The following LONP2 variants were observed in gnomAD, a reference collection of about 807,000 sequenced individuals.
LONP2 encodes the protein lon peptidase 2, peroxisomal, also known as lon protease homolog 2, peroxisomal.
In LONP2, 60 loss-of-function variants were observed where a neutral mutation model predicts 85.6. The observed-to-expected ratio is 0.70, with a 90% confidence interval of 0.57 to 0.87. The LOEUF (loss-of-function observed/expected upper bound fraction) is 0.87, where lower values mean the gene tolerates loss of function less well. Ranked by LOEUF, LONP2 falls within the 40% of genes least tolerant of loss-of-function variation. The probability of loss-of-function intolerance (pLI) is 0.00; values close to 1 mark genes in which losing one functional copy is unlikely to be tolerated. For synonymous variants in LONP2, 395 were observed against 389.7 expected (o/e 1.01, Z -0.16); for missense variants, 860 against 1,063.5 (o/e 0.81, Z 2.66).
intron 8 of LONP2, among the ~76,000 whole-genome samples, chr16:48,279,796 AACTT>A (rs747282874): frequency 2.6e-4 from 39 of 152,164 alleles, no homozygotes; most frequent in Non-Finnish European, 4.1e-4. Flanking sequence ...AATTGAGGAA[AACTT>A]ACTTTGTGAA....
chr16:48,252,360 G>A lies in LONP2; in HGVS notation c.463G>A (p.Val155Ile), dbSNP rs750508815. ...ATCAGAGCAGTTTTACAAATATGCA[G>A]TACAAGTAAGTTGCTTTTATTTTTT... The part of the protein sequence containing the change: ...ELSEQFYKYA[V>I]QLVEMLDMSV... Residue 155 changes from valine to isoleucine, a missense_variant, in exon 2 of 15, where the codon GTA (valine) becomes ATA (isoleucine). By Grantham distance (29) the Val-to-Ile change is conservative. Transcript: ENST00000285737. 302 of 1,557,144 alleles carry A rather than the reference G, an allele frequency of 1.9e-4. No individual in the cohort carries two copies. Among genetic ancestry groups the A allele is most frequent in the Non-Finnish European group, 2.5e-4 (283 of 1,150,712 alleles).
chr16:48,318,073 A>G (rs979468686), intron 11 of LONP2, among the ~76,000 whole-genome samples: 1 of 151,894 alleles, frequency 6.6e-6, no homozygotes, highest in African/African-American at 2.4e-5. Context: ...AGATTTGGAG[A>G]AGAATAGTTA....
At chr16:48,298,129 A>C (rs1972714861) in intron 9 of LONP2, among the ~76,000 whole-genome samples, 1 of 152,234 alleles carries the variant, frequency 6.6e-6, no homozygotes, top group Non-Finnish European at 1.5e-5. Flanking sequence ...ACACTAAAGT[A>C]AAGTGAAAGA....
At position 48,256,470 on chromosome 16, in the gene LONP2, A is replaced by C. The variant is rs1971762815; in HGVS notation, c.469-140A>C. The C allele has an allele frequency of 8.8e-6, 7 of 794,370 alleles. 1 individual carries two copies. Among genetic ancestry groups the C allele is most frequent in the South Asian group, 1.7e-5 (1 of 60,278 alleles). 49.2% of individuals were successfully genotyped at this position (794,370 alleles called of 1,614,324 possible). A position where few individuals can be genotyped will look rare whatever the true frequency, so the allele number is the denominator to read the frequency against. On this transcript the variant is annotated intron_variant, in intron 2 of 14. Transcript: ENST00000285737. The stretch of plus-strand genomic sequence containing the variant: ...TTTTCTTTTCCTCTGAGGCCTGTAA[A>C]ATACGTGGACTATATTAATCAGTGA...
chr16:48,319,076 A>G (rs1015136797), intron 11 of LONP2, among the ~76,000 whole-genome samples: 1 of 140,906 alleles, frequency 7.1e-6, no homozygotes, highest in Non-Finnish European at 1.5e-5. Context: ...GCTAAATTTA[A>G]TGTTTAGAAA....
chr16:48,318,527 A>C (rs1227505663), intron 11 of LONP2, among the ~76,000 whole-genome samples: 1 of 152,224 alleles, frequency 6.6e-6, no homozygotes, highest in Admixed American at 6.5e-5. Context: ...TCAAAAAAAG[A>C]AAGAAAATAA....
At chr16:48,358,913 A>G (rs1426548296), downstream of LONP2, among the ~76,000 whole-genome samples, 1 of 152,230 alleles carries the variant, frequency 6.6e-6, no homozygotes, top group African/African-American at 2.4e-5. Context: ...TATAATTTCC[A>G]AAGTCTACAT....
chr16:48,320,510 C>A (rs1973240765), intron 11 of LONP2, among the ~76,000 whole-genome samples: 1 of 151,128 alleles, frequency 6.6e-6, no homozygotes, highest in Admixed American at 6.6e-5. Context: ...TTGGATTTTA[C>A]AAATAAGCCA....
chr16:48,267,237 C>T (rs944782477), intron 6 of LONP2, among the ~76,000 whole-genome samples: 31 of 152,266 alleles, frequency 2.0e-4, no homozygotes, highest in African/African-American at 6.7e-4. Flanking sequence ...AGCTCCTAAA[C>T]CATTACTACA....
At chr16:48,252,959 A>G (rs1290720013) in intron 2 of LONP2, among the ~76,000 whole-genome samples, 4 of 152,258 alleles carry the variant, frequency 2.6e-5, no homozygotes, top group Admixed American at 2.6e-4. Context: ...TTAATGAAAC[A>G]TAAAATTATA....
intron 11 of LONP2, among the ~76,000 whole-genome samples, chr16:48,323,871 A>G (rs1446143210): frequency 1.3e-5 from 2 of 152,198 alleles, no homozygotes; most frequent in Non-Finnish European, 2.9e-5. Context: ...TCTTCTGGGC[A>G]TTTGATCTAC....
intron 1 of LONP2, among the ~76,000 whole-genome samples, chr16:48,247,133 C>G (rs566791590): frequency 6.6e-6 from 1 of 152,272 alleles, no homozygotes; most frequent in Non-Finnish European, 1.5e-5. Flanking sequence ...CTTAAAAAGC[C>G]TATGTGGAAA....
intron 6 of LONP2, 45 bp from the exon 7 acceptor site, chr16:48,269,971 A>T: frequency 6.4e-7 from 1 of 1,559,828 alleles, no homozygotes; most frequent in Non-Finnish European, 8.6e-7. Flanking sequence ...TCTTTAACTT[A>T]AAAATTTTAT....
chr16:48,319,688 C>T (rs769260783), intron 11 of LONP2, among the ~76,000 whole-genome samples: 51 of 152,034 alleles, frequency 3.4e-4, no homozygotes, highest in Non-Finnish European at 3.5e-4. Context: ...GTGAGAGAAG[C>T]AGGGAGAGTA....
chr16:48,296,035 C>A lies in LONP2; in HGVS notation c.1404C>A (p.Asn468Lys), dbSNP rs1193312327. 1.9e-6 allele frequency: 3 copies of A among 1,613,992 alleles called. No individual in the cohort carries two copies. Among genetic ancestry groups the A allele is most frequent in the African/African-American group, 2.7e-5 (2 of 74,930 alleles). ...CCTAGGTGTTGGATCCTGAACAAAA[C>A]CATAACTTCACAGATCATTATCTAA... The part of the protein sequence containing the change: ...ALLEVLDPEQ[N>K]HNFTDHYLNV... Residue 468 changes from asparagine (N) to lysine (K), a missense_variant, in exon 9 of 15, where the codon AAC becomes AAA. Asn to Lys is a moderately conservative substitution (Grantham distance 94, BLOSUM62 0). This residue lies in a region of LONP2 where 743 missense variants were observed against 917.3 expected (regional missense o/e 0.81). Coordinates refer to ENST00000285737, the MANE Select transcript of LONP2 (RefSeq NM_031490.5).
Position 48,352,054 on chromosome 16 carries a change from T to C in LONP2, c.*252T>C, listed in dbSNP as rs996098306. Reference sequence around the variant, plus strand: ...CTGTCCCTGGAAAGATATAGCATAGTGGTTCTCAGCACAGTCTCCAGAACA... The same window carrying C: ...CTGTCCCTGGAAAGATATAGCATAGCGGTTCTCAGCACAGTCTCCAGAACA... On this transcript the variant is annotated 3_prime_UTR_variant, in exon 15 of 15. Transcript: ENST00000285737. 4 of 485,468 alleles carry C rather than the reference T, an allele frequency of 8.2e-6. No homozygotes were observed. Among genetic ancestry groups the C allele is most frequent in the African/African-American group, 1.9e-5 (1 of 51,834 alleles). 30.1% of individuals were successfully genotyped at this position (485,468 alleles called of 1,614,324 possible). A position where few individuals can be genotyped will look rare whatever the true frequency, so the allele number is the denominator to read the frequency against.
chr16:48,279,877 T>C (rs925257715), intron 8 of LONP2, among the ~76,000 whole-genome samples: 2 of 152,216 alleles, frequency 1.3e-5, no homozygotes, highest in Non-Finnish European at 2.9e-5. Context: ...TTTTTTTCTG[T>C]TTTTGTGATC....
At chr16:48,280,971 C>T (rs1438455606) in intron 8 of LONP2, among the ~76,000 whole-genome samples, 3 of 152,142 alleles carry the variant, frequency 2.0e-5, no homozygotes, top group African/African-American at 4.8e-5. Flanking sequence ...AAAGAACAAA[C>T]TCAATTACAC....
At chr16:48,299,878 G>A in intron 10 of LONP2, 90 bp downstream of exon 10, 1 of 1,352,450 alleles carries the variant, frequency 7.4e-7, no homozygotes, top group South Asian at 1.5e-5. Context: ...ATCAATATTT[G>A]AGTTTTTCAT....
Sources: allele counts gnomAD v4.1 joint callset (sites outside exome capture counted in the v4.1 genomes callset), GRCh38; gene constraint gnomAD v4.1.1; regional missense constraint gnomAD v4.1.1; transcripts MANE v1.5; gene names NCBI Gene and HGNC (gene_info 2026-07-23, HGNC 2026-07-21).